Variants in C22orf23 observed in about 807,000 individuals in gnomAD.
C22orf23 encodes UPF0193 protein EVG1.
Under a neutral mutation model 29.7 loss-of-function variants are expected in C22orf23, and 30 were observed. The observed-to-expected ratio is 1.01, with a 90% CI of 0.76 to 1.37. The LOEUF is 1.37. C22orf23 is among the 40% of genes most tolerant of loss of function. The pLI is 0.00. For missense variants in C22orf23, 237 were observed against 273.1 expected (o/e 0.87, Z 0.93); for synonymous variants, 90 against 96.1 (o/e 0.94, Z 0.37).
Position 37,943,959 on chromosome 22 carries a change from T to G in C22orf23, c.*216A>C. 1 of 603,872 alleles carries G rather than the reference T, an allele frequency of 1.7e-6. No homozygotes were observed. The highest frequency in any genetic ancestry group is 3.0e-6 in the Non-Finnish European group (1 of 338,282). The allele number at this position is 603,872 out of a possible 1,614,324, so 37.4% of individuals were successfully genotyped here. A position where few individuals can be genotyped will look rare whatever the true frequency, so the allele number is the denominator to read the frequency against. On this transcript the variant is annotated 3_prime_UTR_variant, in exon 7 of 7. Transcript: ENST00000403305. The stretch of plus-strand genomic sequence containing the variant: ...TAGGGATGCTCGGGCTTTGCTTCTC[T>G]GCGGACGGGGCTGTGAGTCTCAGAG...
chr22:37,949,219 G>A (rs1294839507), intron 3 of C22orf23, among the ~76,000 whole-genome samples: 2 of 151,284 alleles, frequency 1.3e-5, no homozygotes, highest in Non-Finnish European at 2.9e-5. Context: ...TGTGTCACCT[G>A]TCTGGTCAGT....
chr22:37,949,901 C>A (rs1325028745), intron 3 of C22orf23, among the ~76,000 whole-genome samples: 1 of 151,992 alleles, frequency 6.6e-6, no homozygotes, highest in Non-Finnish European at 1.5e-5. Context: ...AGAGGTTTCA[C>A]TGTGTTGCCC....
At chr22:37,945,663 A>AT (rs975695706) in intron 4 of C22orf23, among the ~76,000 whole-genome samples, 86 of 135,672 alleles carry the variant, frequency 6.3e-4, no homozygotes, top group East Asian at 8.6e-4. Flanking sequence ...TAATTTTTGT[A>AT]TTTTTTTTTT....
At chr22:37,946,282 C>T (rs1930696695) in intron 4 of C22orf23, among the ~76,000 whole-genome samples, 1 of 150,016 alleles carries the variant, frequency 6.7e-6, no homozygotes. Flanking sequence ...ATTAGCTGGG[C>T]AGGGCATGGT....
chr22:37,949,544 C>T (rs974137192), intron 3 of C22orf23, among the ~76,000 whole-genome samples: 3 of 150,752 alleles, frequency 2.0e-5, no homozygotes, highest in East Asian at 1.9e-4. Flanking sequence ...CTGCAACCTC[C>T]GCCTCCTGGG....
rs199822431 is a variant in C22orf23, at chr22:37,945,031, C to T, written c.481+11G>A. ...CCCACCCCCAGCATGACTGGTCCGT[C>T]GGAGTCTTACGCTCTTCAAATCGGT... On this transcript the variant is annotated intron_variant, in intron 5 of 6. Transcript: ENST00000403305. The T allele has an allele frequency of 2.1e-5, 33 of 1,592,442 alleles. No individual in the cohort carries two copies. The highest frequency in any genetic ancestry group is 3.5e-4 in the Middle Eastern group (2 of 5,718).
chr22:37,947,726 G>A (rs1317518238), intron 3 of C22orf23, among the ~76,000 whole-genome samples: 1 of 151,196 alleles, frequency 6.6e-6, no homozygotes, highest in East Asian at 2.0e-4. Context: ...GCTGGTCTTG[G>A]ACTCCTGACC....
At chr22:37,947,218 G>A (rs770029590) in intron 4 of C22orf23, 63 bp downstream of exon 4, 119 of 1,568,910 alleles carry the variant, frequency 7.6e-5, no homozygotes, top group Middle Eastern at 1.8e-4. Flanking sequence ...GGCTGCTTGC[G>A]TCCCTCTCCC....
chr22:37,952,021 G>C (rs904837194), intron 2 of C22orf23, among the ~76,000 whole-genome samples: 1 of 151,614 alleles, frequency 6.6e-6, no homozygotes, highest in Non-Finnish European at 1.5e-5. Context: ...CTCCATGTTG[G>C]TCAGGCTGGT....
chr22:37,945,766 G>C (rs1443654002), intron 4 of C22orf23, among the ~76,000 whole-genome samples: 2 of 142,930 alleles, frequency 1.4e-5, no homozygotes, highest in Non-Finnish European at 3.0e-5. Flanking sequence ...CAAAGTGCTG[G>C]AATTACAGGC....
At chr22:37,949,256 G>T (rs1930873775) in intron 3 of C22orf23, among the ~76,000 whole-genome samples, 2 of 150,394 alleles carry the variant, frequency 1.3e-5, no homozygotes, top group African/African-American at 4.9e-5. Flanking sequence ...CTGCCATAAA[G>T]CCCAGCTTAG....
intron 6 of C22orf23, 64 bp from the exon 7 acceptor site, chr22:37,944,310 G>A (rs1930561179): frequency 1.3e-5 from 21 of 1,613,806 alleles, no homozygotes; most frequent in Non-Finnish European, 1.8e-5. Context: ...TGTCACAGCA[G>A]TGAGCTAGAG....
rs1930749778 is a variant in C22orf23 at position 37,947,263 on chromosome 22, G to A, written c.349+18C>T. On this transcript the variant is annotated intron_variant, in intron 4 of 6. Transcript: ENST00000403305. ...CCCAGGGAGATGGAGAAAGGCCCTA[G>A]CTGAGACCCTCACTTACTGGTGGCT... is the stretch of plus-strand genomic sequence containing the variant. 6.2e-7 allele frequency: 1 copy of A among 1,613,820 alleles called. No individual in the cohort carries two copies.
chr22:37,944,445 CG>C lies in C22orf23; in HGVS notation c.553del (p.Arg185GlufsTer75), dbSNP rs1930569983. On this transcript the variant is annotated frameshift_variant, in exon 6 of 7. Coordinates refer to ENST00000403305, the MANE Select transcript of C22orf23 (RefSeq NM_032561.5). LOFTEE classifies it high-confidence loss of function. ...MEALGQGKQYRGIILAEISQK... is the reference protein window; with the variant it reads ...MEALGQGKQYXGIILAEISQK... The stretch of plus-strand genomic sequence containing the variant: ...GGAGATTTCAGCAAGGATGATTCCT[CG>C]GTACTGTTTGCCCTGTCCCAGGGCC... The C allele has an allele frequency of 3.1e-6, 5 of 1,614,198 alleles. No individual in the cohort carries two copies. The highest frequency in any genetic ancestry group is 4.2e-6 in the Non-Finnish European group (5 of 1,180,042).
intron 4 of C22orf23, among the ~76,000 whole-genome samples, chr22:37,945,803 C>T (rs1306687675): frequency 7.2e-6 from 1 of 139,128 alleles, no homozygotes; most frequent in African/African-American, 2.7e-5. Flanking sequence ...GACCGATATC[C>T]TATCTCTAAA....
intron 4 of C22orf23, among the ~76,000 whole-genome samples, chr22:37,945,563 C>T (rs1313460661): frequency 6.9e-6 from 1 of 145,148 alleles, no homozygotes; most frequent in Non-Finnish European, 1.5e-5. Context: ...GATACAATTT[C>T]GGCTCACTGC....
chr22:37,947,394 G>T lies in C22orf23; in HGVS notation c.236C>A (p.Ala79Asp), dbSNP rs760042631. The T allele has an allele frequency of 3.7e-6, 6 of 1,613,642 alleles. No homozygotes were observed. Among genetic ancestry groups the T allele is most frequent in the Non-Finnish European group, 5.1e-6 (6 of 1,179,890 alleles). The change falls in exon 4 of 7, where the codon GCC (alanine) becomes GAC (aspartate). Residue 79 changes from alanine (A) to aspartate (D), a missense_variant. Transcript: ENST00000403305. ...GATGGGAGGCAGGTAGATGGGCGAG[G>T]CTATTTGCTTGGAAGGTAAGACTCT... ...SQRVLPSKQIASPIYLPPILA... is the reference protein window; with the variant it reads ...SQRVLPSKQIDSPIYLPPILA...
At chr22:37,945,796 C>T (rs1299318713) in intron 4 of C22orf23, among the ~76,000 whole-genome samples, 10 of 142,110 alleles carry the variant, frequency 7.0e-5, no homozygotes, top group South Asian at 2.3e-4. Context: ...CACGCCTGAC[C>T]GATATCCTAT....
intron 4 of C22orf23, among the ~76,000 whole-genome samples, chr22:37,946,390 T>G (rs896770345): frequency 6.7e-6 from 1 of 149,704 alleles, no homozygotes; most frequent in East Asian, 2.0e-4. Context: ...CGTGCCACTG[T>G]ACTCCAGCCT....
Sources: allele counts gnomAD v4.1 joint callset (sites outside exome capture counted in the v4.1 genomes callset), GRCh38; gene constraint gnomAD v4.1.1; transcripts MANE v1.5; gene names NCBI Gene and HGNC (gene_info 2026-07-23, HGNC 2026-07-21).